SGCZ: variants seen among roughly 807,000 people sequenced by gnomAD.
SGCZ encodes zeta-sarcoglycan.
Under a neutral mutation model 41.3 loss-of-function variants are expected in SGCZ, and 40 were observed. That is an observed-to-expected ratio of 0.97 (90% CI 0.75 to 1.26). The LOEUF (loss-of-function observed/expected upper bound fraction) is 1.26. Ranked by LOEUF, SGCZ falls within the 50% of genes most tolerant of loss-of-function variation. The pLI is 0.00. For missense variants in SGCZ, 552 were observed against 369.8 expected (o/e 1.49, Z -4.04); for synonymous variants, 206 against 137.5 (o/e 1.50, Z -3.49).
chr8:14,300,081 C>T (rs1801135208), intron 3 of SGCZ, among the ~76,000 whole-genome samples: 1 of 151,904 alleles, frequency 6.6e-6, no homozygotes. Context: ...TTGGGATTGG[C>T]AGGGTGAGAC....
At chr8:14,814,373 G>A (rs1169242147) in intron 1 of SGCZ, among the ~76,000 whole-genome samples, 2 of 152,102 alleles carry the variant, frequency 1.3e-5, no homozygotes, top group African/African-American at 4.8e-5. Context: ...GGTAGAAGAA[G>A]GAAGGGCAAA....
intron 3 of SGCZ, among the ~76,000 whole-genome samples, chr8:14,262,616 T>C (rs910618841): frequency 3.6e-4 from 55 of 151,942 alleles, no homozygotes; most frequent in African/African-American, 1.0e-3. Context: ...ATAATCTACA[T>C]TGTAGCGCTC....
intron 1 of SGCZ, among the ~76,000 whole-genome samples, chr8:14,862,243 G>A (rs1045980133): frequency 6.6e-6 from 1 of 151,888 alleles, no homozygotes; most frequent in African/African-American, 2.4e-5. Flanking sequence ...CTGAGAATCT[G>A]AGGGTCATTT....
intron 2 of SGCZ, among the ~76,000 whole-genome samples, chr8:14,489,167 C>T (rs1318678010): frequency 1.3e-5 from 2 of 151,872 alleles, no homozygotes; most frequent in African/African-American, 2.4e-5. Flanking sequence ...AATTCATTAA[C>T]AGCGAATTAG....
chr8:14,288,451 G>T (rs775857656), intron 3 of SGCZ, among the ~76,000 whole-genome samples: 2 of 151,804 alleles, frequency 1.3e-5, no homozygotes. Flanking sequence ...CCCTACCCTC[G>T]GCCACTGGTA....
chr8:14,343,116 T>G (rs188695081), intron 2 of SGCZ, among the ~76,000 whole-genome samples: 3 of 152,244 alleles, frequency 2.0e-5, no homozygotes, highest in Admixed American at 6.5e-5. Flanking sequence ...AGAAATGAGG[T>G]TTGGACACCT....
At chr8:14,272,122 G>A (rs1188208877) in intron 3 of SGCZ, among the ~76,000 whole-genome samples, 4 of 152,144 alleles carry the variant, frequency 2.6e-5, no homozygotes, top group Non-Finnish European at 4.4e-5. Context: ...TCCTGCCTCA[G>A]CCTCCTGAGT....
At chr8:15,171,275 AG>A (rs1799820919) in intron 1 of SGCZ, among the ~76,000 whole-genome samples, 1 of 152,242 alleles carries the variant, frequency 6.6e-6, no homozygotes, top group Admixed American at 6.5e-5. Flanking sequence ...GAGATTGTGC[AG>A]GGTAAAAGAA....
chr8:14,901,711 A>G (rs1798978023), intron 1 of SGCZ, among the ~76,000 whole-genome samples: 1 of 152,108 alleles, frequency 6.6e-6, no homozygotes, highest in African/African-American at 2.4e-5. Flanking sequence ...TTCGGTAAAA[A>G]TGCCTAAAGC....
chr8:14,318,158 C>T (rs1324204533), intron 3 of SGCZ, among the ~76,000 whole-genome samples: 1 of 148,354 alleles, frequency 6.7e-6, no homozygotes, highest in Non-Finnish European at 1.5e-5. Flanking sequence ...ATTGGTTTTT[C>T]AAAAGAAAGA....
At chr8:14,197,991 T>C (rs1188589480) in intron 4 of SGCZ, among the ~76,000 whole-genome samples, 1 of 152,214 alleles carries the variant, frequency 6.6e-6, no homozygotes, top group Non-Finnish European at 1.5e-5. Flanking sequence ...ATTAATTGTG[T>C]ATCTTTACAC....
chr8:14,106,772 T>G (rs1802216993), intron 6 of SGCZ, among the ~76,000 whole-genome samples: 1 of 152,236 alleles, frequency 6.6e-6, no homozygotes, highest in East Asian at 1.9e-4. Context: ...GATCCAACTT[T>G]AAAAGTGACT....
intron 2 of SGCZ, among the ~76,000 whole-genome samples, chr8:14,461,197 C>T (rs960662045): frequency 6.6e-6 from 1 of 152,052 alleles, no homozygotes; most frequent in Non-Finnish European, 1.5e-5. Context: ...TCCTTGTAGA[C>T]ACTTCCCTCA....
intron 2 of SGCZ, among the ~76,000 whole-genome samples, chr8:14,348,170 A>G (rs911950487): frequency 1.7e-4 from 26 of 152,014 alleles, no homozygotes; most frequent in African/African-American, 5.8e-4. Context: ...AGACAAACTC[A>G]AGATAGCCAT....
intron 3 of SGCZ, among the ~76,000 whole-genome samples, chr8:14,318,119 T>A (rs755847152): frequency 6.6e-6 from 1 of 151,634 alleles, no homozygotes; most frequent in Non-Finnish European, 1.5e-5. Context: ...AATAAAAATA[T>A]GACTATTCCA....
chr8:14,853,440 CTT>C, intron 1 of SGCZ: 1 of 532,392 alleles, frequency 1.9e-6, no homozygotes, highest in Non-Finnish European at 3.9e-6. Context: ...GACACTTGCT[CTT>C]TCTGACCAGG....
chr8:14,963,453 C>A (rs1801032109), intron 1 of SGCZ, among the ~76,000 whole-genome samples: 1 of 151,954 alleles, frequency 6.6e-6, no homozygotes, highest in Non-Finnish European at 1.5e-5. Context: ...ATTCTCCTGC[C>A]TCAGCCTCCT....
At chr8:14,967,979 A>G (rs1801175099) in intron 1 of SGCZ, among the ~76,000 whole-genome samples, 1 of 152,200 alleles carries the variant, frequency 6.6e-6, no homozygotes, top group South Asian at 2.1e-4. Context: ...CATTTGTTTT[A>G]AGTAAATGAA....
At chr8:14,095,134 A>C (rs984618783) in intron 7 of SGCZ, among the ~76,000 whole-genome samples, 1 of 151,968 alleles carries the variant, frequency 6.6e-6, no homozygotes, top group South Asian at 2.1e-4. Flanking sequence ...GTTTAATTAG[A>C]TCCTATTTGT....
Sources: allele counts gnomAD v4.1 joint callset (sites outside exome capture counted in the v4.1 genomes callset), GRCh38; gene constraint gnomAD v4.1.1; transcripts MANE v1.5; gene names NCBI Gene and HGNC (gene_info 2026-07-23, HGNC 2026-07-21).